Variants in DCC observed in about 807,000 individuals in gnomAD.
DCC encodes the protein netrin receptor DCC.
In DCC, 58 loss-of-function variants were observed where a neutral mutation model predicts 172.5. The observed-to-expected ratio is 0.34, with a 90% CI of 0.27 to 0.42. The LOEUF is 0.42. Ranked by LOEUF, DCC falls within the 10% of genes least tolerant of loss-of-function variation. DCC has a pLI of 1.00. For missense variants in DCC, 1,740 were observed against 1,791.0 expected, an observed-to-expected ratio of 0.97 and a Z score of 0.51; for synonymous variants, 709 against 644.5, an observed-to-expected ratio of 1.10 and a Z score of -1.52.
At chr18:52,388,024 C>G (rs899046620) in intron 1 of DCC, among the ~76,000 whole-genome samples, 1 of 152,000 alleles carries the variant, frequency 6.6e-6, no homozygotes, top group Non-Finnish European at 1.5e-5. Context: ...ATACTAATCA[C>G]ATCGTGGTCT....
chr18:53,067,560 C>A (rs1023454208), intron 7 of DCC, among the ~76,000 whole-genome samples: 1 of 152,024 alleles, frequency 6.6e-6, no homozygotes, highest in Non-Finnish European at 1.5e-5. Context: ...TAAATTGATA[C>A]TAGACCTGTC....
rs553812500 is a variant in DCC at position 52,926,354 on chromosome 18, C to T, written c.985+984C>T. Among the ~76,000 whole-genome samples the T allele has an allele frequency of 3.3e-4, 50 of 151,874 alleles. 1 individual carries two copies. The South Asian group carries it at 9.6e-3, about 29-fold the overall frequency. On this transcript the variant is annotated intron_variant, in intron 5 of 28. Coordinates refer to ENST00000442544, the MANE Select transcript of DCC (RefSeq NM_005215.4). ...ATGTATATCATGGGTTAGATAATGA[C>T]GTTGCTTGTTCTTTGATCAAATCAT...
At chr18:52,905,677 G>T (rs2039871512) in intron 2 of DCC, among the ~76,000 whole-genome samples, 2 of 152,304 alleles carry the variant, frequency 1.3e-5, no homozygotes, top group East Asian at 1.9e-4. Context: ...AGAACAAGTT[G>T]CTGTCTGTAG....
intron 5 of DCC, among the ~76,000 whole-genome samples, chr18:53,017,859 A>T (rs1568247584): frequency 6.6e-6 from 1 of 152,178 alleles, no homozygotes; most frequent in African/African-American, 2.4e-5. Flanking sequence ...TTTCTAATGT[A>T]GATTTCGCCT....
chr18:52,765,807 A>G (rs567629766), intron 2 of DCC, among the ~76,000 whole-genome samples: 1 of 152,142 alleles, frequency 6.6e-6, no homozygotes, highest in African/African-American at 2.4e-5. Context: ...CTCAGAATCT[A>G]TCTCTTGGCC....
intron 1 of DCC, among the ~76,000 whole-genome samples, chr18:52,602,235 A>T (rs1479031917): frequency 6.6e-6 from 1 of 152,112 alleles, no homozygotes; most frequent in African/African-American, 2.4e-5. Context: ...TTTTGTAGGT[A>T]TTATGAGTAA....
chr18:53,069,564 A>T (rs2042623944), intron 7 of DCC, among the ~76,000 whole-genome samples: 1 of 151,646 alleles, frequency 6.6e-6, no homozygotes, highest in South Asian at 2.1e-4. Context: ...GGGTCCAGTG[A>T]CTGCATTTCT....
intron 19 of DCC, among the ~76,000 whole-genome samples, chr18:53,410,234 C>A (rs1909900333): frequency 6.6e-6 from 1 of 152,220 alleles, no homozygotes; most frequent in Admixed American, 6.5e-5. Context: ...ATTTTTACTT[C>A]TAACAGCTTA....
At chr18:53,269,095 T>C (rs1286369661) in intron 12 of DCC, among the ~76,000 whole-genome samples, 2 of 152,060 alleles carry the variant, frequency 1.3e-5, no homozygotes, top group Non-Finnish European at 2.9e-5. Context: ...TGTGTGCGTG[T>C]GTGTGTGTGT....
At chr18:52,352,763 A>T (rs889221358) in intron 1 of DCC, among the ~76,000 whole-genome samples, 2 of 152,170 alleles carry the variant, frequency 1.3e-5, no homozygotes, top group African/African-American at 2.4e-5. Context: ...TTCCAGGCAC[A>T]AGTATTCTAA....
intron 1 of DCC, among the ~76,000 whole-genome samples, chr18:52,731,101 G>A (rs891668327): frequency 6.6e-6 from 1 of 152,136 alleles, no homozygotes; most frequent in Non-Finnish European, 1.5e-5. Flanking sequence ...CTGTGTTTGT[G>A]TCTATTATGT....
intron 28 of DCC, 112 bp downstream of exon 28, chr18:53,526,871 T>C (rs1327851093): frequency 1.5e-5 from 3 of 204,538 alleles, no homozygotes; most frequent in African/African-American, 1.2e-4. Flanking sequence ...CCCCAGGCCA[T>C]TGTTGTTCTT....
rs557107712 is a variant in DCC at position 52,408,545 on chromosome 18, T to C, written c.91+67667T>C. Among the ~76,000 whole-genome samples, 11 of 152,116 alleles carry C rather than the reference T, an allele frequency of 7.2e-5. No homozygotes were observed. In the East Asian group the frequency reaches 1.6e-3, roughly 21 times the overall value. Reference sequence around the variant, plus strand: ...AACAACTCAGGCCTACAAATTAATTTATAAGTAATTACACCCCAGGTTTTT... The same window carrying C: ...AACAACTCAGGCCTACAAATTAATTCATAAGTAATTACACCCCAGGTTTTT... On this transcript the variant is annotated intron_variant, in intron 1 of 28. Transcript: ENST00000442544.
chr18:53,346,127 A>T (rs947465090), intron 15 of DCC, among the ~76,000 whole-genome samples: 4 of 152,056 alleles, frequency 2.6e-5, no homozygotes, highest in Non-Finnish European at 4.4e-5. Context: ...CTAAGTAGCT[A>T]GGAAAACAGG....
intron 5 of DCC, among the ~76,000 whole-genome samples, chr18:52,956,697 G>A (rs138145370): frequency 0.014 from 2,053 of 152,066 alleles, 61 homozygotes; most frequent in African/African-American, 0.047. Flanking sequence ...GAGAAATTAC[G>A]TCTTCACACA....
At chr18:52,428,830 T>C (rs991830833) in intron 1 of DCC, among the ~76,000 whole-genome samples, 1 of 152,072 alleles carries the variant, frequency 6.6e-6, no homozygotes, top group South Asian at 2.1e-4. Flanking sequence ...CTCTAACCCC[T>C]GGAAACACTG....
intron 1 of DCC, among the ~76,000 whole-genome samples, chr18:52,512,794 C>G (rs191842027): frequency 1.3e-5 from 2 of 152,246 alleles, no homozygotes; most frequent in East Asian, 3.9e-4. Context: ...TAGGGATTGA[C>G]AGTGGTTACT....
chr18:53,157,494 C>G lies in DCC; in HGVS notation c.1400C>G (p.Ser467Cys), dbSNP rs2054761531. ...ATTCAAACTTTCACGGTCTTTTTCT[C>G]CAGAGAAGGTGACAACAGGTAGGTG... ...GNIQTFTVFF[S>C]REGDNRERAL... Residue 467 changes from serine to cysteine, a missense_variant, in exon 8 of 29, where the codon TCC becomes TGC. This residue lies in a region of DCC where 1,732 missense variants were observed against 1,767.4 expected (regional missense o/e 0.98). Coordinates refer to ENST00000442544, the MANE Select transcript of DCC (RefSeq NM_005215.4). 8.1e-6 allele frequency: 13 copies of G among 1,613,928 alleles called. No homozygotes were observed. Among genetic ancestry groups the G allele is most frequent in the Non-Finnish European group, 1.1e-5 (13 of 1,179,992 alleles).
At chr18:52,960,135 C>T (rs1255328817) in intron 5 of DCC, among the ~76,000 whole-genome samples, 1 of 151,964 alleles carries the variant, frequency 6.6e-6, no homozygotes, top group Non-Finnish European at 1.5e-5. Context: ...TCAAAATTTT[C>T]CTGGAGCTCG....
Sources: gnomAD v4.1 joint callset for allele counts (sites outside exome capture counted in the v4.1 genomes callset) on GRCh38, gnomAD v4.1.1 for gene constraint, gnomAD v4.1.1 regional missense constraint, MANE v1.5 for transcripts, NCBI Gene and HGNC (gene_info 2026-07-23, HGNC 2026-07-21) for gene names.